NNT: variants seen among roughly 807,000 people sequenced by gnomAD.
NNT encodes nicotinamide nucleotide transhydrogenase.
NNT carries 50 observed loss-of-function variants against 104.8 expected under a neutral mutation model. The observed-to-expected ratio is 0.48, with a 90% CI of 0.38 to 0.60. The LOEUF (loss-of-function observed/expected upper bound fraction) is 0.60. Among genes scored for constraint, NNT ranks in the 20% least tolerant of loss-of-function variants. The pLI, the probability that NNT is intolerant of heterozygous loss-of-function variation, is 0.00. For missense variants in NNT, 1,131 were observed against 1,330.7 expected (o/e 0.85, Z 2.33); for synonymous variants, 461 against 490.4 (o/e 0.94, Z 0.79).
chr5:43,659,220 T>C lies in NNT; in HGVS notation c.2504T>C (p.Ile835Thr). 6.2e-7 allele frequency: 1 copy of C among 1,613,886 alleles called. No homozygotes were observed. Among genetic ancestry groups the C allele is most frequent in the Non-Finnish European group, 8.5e-7 (1 of 1,179,886 alleles). Residue 835 changes from isoleucine to threonine, a missense_variant, in exon 17 of 22, where the codon ATC (isoleucine) becomes ACC (threonine). Transcript: ENST00000344920. ...GGGGGTGCTGACATGCCCGTCGTTA[T>C]CACTGTGCTGAACAGCTACTCAGGC... is the stretch of plus-strand genomic sequence containing the variant. ...AIGGADMPVV[I>T]TVLNSYSGWA...
chr5:43,616,140 C>CT (rs1749773912), intron 4 of NNT, 75 bp downstream of exon 4: 1 of 1,151,216 alleles, frequency 8.7e-7, no homozygotes, highest in Admixed American at 2.3e-5. Flanking sequence ...GCTCTTCTGT[C>CT]TTACAGTGAT....
At chr5:43,683,718 A>G (rs1741839415) in intron 19 of NNT, among the ~76,000 whole-genome samples, 1 of 152,244 alleles carries the variant, frequency 6.6e-6, no homozygotes, top group South Asian at 2.1e-4. Context: ...AAAATTATTC[A>G]GACAGAAAGA....
intron 19 of NNT, among the ~76,000 whole-genome samples, chr5:43,692,025 T>G (rs1742310612): frequency 6.6e-6 from 1 of 152,204 alleles, no homozygotes. Context: ...TTGTTAGGTA[T>G]TTACAAGGAA....
chr5:43,650,472 T>C lies in NNT; in HGVS notation c.1607-5T>C, dbSNP rs1174275728. The C allele has an allele frequency of 3.1e-6, 5 of 1,611,100 alleles. No homozygotes were observed. In the South Asian group the frequency reaches 4.4e-5, roughly 14 times the overall value. On this transcript the variant is annotated splice_region_variant and splice_polypyrimidine_tract_variant and intron_variant, in intron 11 of 21. Coordinates refer to ENST00000344920, the MANE Select transcript of NNT (RefSeq NM_182977.3). ...CTATTAACCATGTTAATGCTTTCTT[T>C]CTAGGGCTGACTGCAGTTGGTGGGT...
At chr5:43,692,790 T>G (rs1004575637) in intron 19 of NNT, among the ~76,000 whole-genome samples, 21 of 152,360 alleles carry the variant, frequency 1.4e-4, no homozygotes, top group Non-Finnish European at 2.5e-4. Flanking sequence ...CAGTATTGAT[T>G]CCTGGTTTCC....
At chr5:43,667,141 G>C in intron 17 of NNT, 1 of 1,493,524 alleles carries the variant, frequency 6.7e-7, no homozygotes, top group Admixed American at 1.7e-5. Context: ...CCCCTTAAGA[G>C]ATTCGTATCT....
At position 43,704,480 on chromosome 5, in the gene NNT, C is replaced by A; in HGVS notation, c.*76C>A. The A allele has an allele frequency of 6.9e-7, 1 of 1,448,446 alleles. No homozygotes were observed. The highest frequency in any genetic ancestry group is 9.5e-7 in the Non-Finnish European group (1 of 1,048,218). 89.7% of individuals were successfully genotyped at this position (1,448,446 alleles called of 1,614,324 possible). A position where few individuals can be genotyped will look rare whatever the true frequency, so the allele number is the denominator to read the frequency against. ...AACAGGCAAATAAAGTATCAGTATACATGGTGATGTACATCTGTAGCAAAG... is the reference window on the plus strand; with the variant it reads ...AACAGGCAAATAAAGTATCAGTATAAATGGTGATGTACATCTGTAGCAAAG... On this transcript the variant is annotated 3_prime_UTR_variant, in exon 22 of 22. Coordinates refer to ENST00000344920, the MANE Select transcript of NNT (RefSeq NM_182977.3).
At chr5:43,658,927 C>A (rs1311543152) in intron 16 of NNT, among the ~76,000 whole-genome samples, 2 of 152,038 alleles carry the variant, frequency 1.3e-5, no homozygotes, top group Non-Finnish European at 2.9e-5. Flanking sequence ...GCCTGCTTTT[C>A]ATCACTGAAA....
chr5:43,609,264 T>C lies in NNT; in HGVS notation c.69T>C (p.Cys23=). The stretch of plus-strand genomic sequence containing the variant: ...CTCTACTTAGCAATTTGGGGTCCTG[T>C]AAGGGTCTACGTGTGAAGAAGGATT... The part of the protein sequence containing the change: ...SCPLLSNLGS[C]KGLRVKKDFL... Residue 23 remains cysteine (C), a synonymous_variant, in exon 2 of 22, where the codon TGT becomes TGC. Coordinates refer to ENST00000344920, the MANE Select transcript of NNT (RefSeq NM_182977.3). 6.2e-7 allele frequency: 1 copy of C among 1,614,032 alleles called. No homozygotes were observed. The highest frequency in any genetic ancestry group is 8.5e-7 in the Non-Finnish European group (1 of 1,179,908).
At chr5:43,673,795 G>A (rs1312714656) in intron 17 of NNT, among the ~76,000 whole-genome samples, 1 of 152,168 alleles carries the variant, frequency 6.6e-6, no homozygotes, top group Non-Finnish European at 1.5e-5. Context: ...GAGGCAGGCA[G>A]ATCACTTGTG....
intron 5 of NNT, 79 bp downstream of exon 5, chr5:43,619,198 T>C (rs1376734334): frequency 1.5e-6 from 1 of 685,972 alleles, no homozygotes; most frequent in Non-Finnish European, 2.2e-6. Flanking sequence ...AATACAGTTA[T>C]TTAAAAATTT....
intron 7 of NNT, among the ~76,000 whole-genome samples, chr5:43,638,724 T>A (rs1000190425): frequency 6.6e-6 from 1 of 151,864 alleles, no homozygotes; most frequent in Non-Finnish European, 1.5e-5. Context: ...GTTAGGAATT[T>A]CCCCATCTGA....
chr5:43,703,657 A>T (rs1270578891), intron 21 of NNT, among the ~76,000 whole-genome samples: 1 of 152,184 alleles, frequency 6.6e-6, no homozygotes, highest in Non-Finnish European at 1.5e-5. Flanking sequence ...TCCATAACAC[A>T]TGTCATTGTA....
intron 7 of NNT, among the ~76,000 whole-genome samples, chr5:43,635,486 G>A (rs576886030): frequency 1.3e-5 from 2 of 152,262 alleles, no homozygotes; most frequent in East Asian, 3.9e-4. Flanking sequence ...AAGGAAGCTG[G>A]GAATTGTCTA....
intron 19 of NNT, among the ~76,000 whole-genome samples, chr5:43,692,437 T>A (rs1336966967): frequency 6.6e-6 from 1 of 152,126 alleles, no homozygotes; most frequent in Non-Finnish European, 1.5e-5. Context: ...AATTATCTTG[T>A]CTCAGCTTCC....
At chr5:43,646,843 CTT>C (rs1408647549) in intron 10 of NNT, among the ~76,000 whole-genome samples, 1 of 152,144 alleles carries the variant, frequency 6.6e-6, no homozygotes, top group Admixed American at 6.5e-5. Flanking sequence ...ATTTAGATCT[CTT>C]TCTTTGTAAT....
At chr5:43,626,691 C>G (rs972471040) in intron 6 of NNT, among the ~76,000 whole-genome samples, 1 of 151,138 alleles carries the variant, frequency 6.6e-6, no homozygotes, top group African/African-American at 2.4e-5. Context: ...TTCTATCAGC[C>G]AGATATAATT....
At chr5:43,670,867 A>G (rs1345683295) in intron 17 of NNT, among the ~76,000 whole-genome samples, 1 of 152,104 alleles carries the variant, frequency 6.6e-6, no homozygotes. Flanking sequence ...TGAGCTGTCT[A>G]ATGTTGACAG....
At chr5:43,691,298 T>A (rs2112193232) in intron 19 of NNT, among the ~76,000 whole-genome samples, 1 of 152,318 alleles carries the variant, frequency 6.6e-6, no homozygotes, top group Admixed American at 6.5e-5. Context: ...GAGAAAAGAT[T>A]TCACCATGTT....
Sources: allele counts gnomAD v4.1 joint callset (sites outside exome capture counted in the v4.1 genomes callset), GRCh38; gene constraint gnomAD v4.1.1; transcripts MANE v1.5; gene names NCBI Gene and HGNC (gene_info 2026-07-23, HGNC 2026-07-21).